Variants in ABCC4 observed in about 807,000 individuals in gnomAD.
The protein encoded by ABCC4 is ATP-binding cassette sub-family C member 4.
ABCC4 carries 102 observed loss-of-function variants against 168.5 expected under a neutral mutation model. The observed-to-expected ratio is 0.61, with a 90% CI of 0.52 to 0.71. The LOEUF is 0.71. Among genes scored for constraint, ABCC4 ranks in the 30% least tolerant of loss-of-function variants. The pLI is 0.00. For missense variants in ABCC4, 1,402 were observed against 1,605.8 expected (o/e 0.87, Z 2.17); for synonymous variants, 617 against 590.7 (o/e 1.04, Z -0.65).
At chr13:95,144,722 G>GA in intron 19 of ABCC4, among the ~76,000 whole-genome samples, 2 of 151,538 alleles carry the variant, frequency 1.3e-5, no homozygotes, top group African/African-American at 4.8e-5. Context: ...AAACATGGCT[G>GA]AAAAAAAATC....
chr13:95,054,766 G>C (rs535023538), intron 26 of ABCC4, among the ~76,000 whole-genome samples: 9 of 152,242 alleles, frequency 5.9e-5, no homozygotes, highest in Non-Finnish European at 1.0e-4. Context: ...CCTGGCTTTG[G>C]GGCAGGACTG....
At chr13:95,171,055 C>T (rs1444093685) in intron 13 of ABCC4, among the ~76,000 whole-genome samples, 1 of 148,270 alleles carries the variant, frequency 6.7e-6, no homozygotes, top group Non-Finnish European at 1.5e-5. Context: ...CAACGCCCCC[C>T]CTCCACCCCC....
rs1209194205 is a variant in ABCC4 at position 95,075,462 on chromosome 13, G to A, written c.2776C>T (p.Leu926=). ...AYKAEERCQE[L]FDAHQDLHSE... Reference sequence around the variant, plus strand: ...TGTAAATCCTGGTGTGCATCAAACAGTTCCTGACACCTCTCTTCTGCTTTG... The same window carrying A: ...TGTAAATCCTGGTGTGCATCAAACAATTCCTGACACCTCTCTTCTGCTTTG... Residue 926 remains leucine, a synonymous_variant, in exon 22 of 31, where the codon CTG becomes TTG. Transcript: ENST00000645237. 1.9e-6 allele frequency: 3 copies of A among 1,614,162 alleles called. No individual in the cohort carries two copies. Among genetic ancestry groups the A allele is most frequent in the East Asian group, 2.2e-5 (1 of 44,878 alleles).
chr13:95,234,240 A>G (rs2138756708), intron 4 of ABCC4, among the ~76,000 whole-genome samples: 1 of 152,382 alleles, frequency 6.6e-6, no homozygotes, highest in Middle Eastern at 3.4e-3. Flanking sequence ...AGATTGAGGC[A>G]AAGAAACACT....
chr13:95,164,535 G>A lies in ABCC4; in HGVS notation c.2035-17C>T, dbSNP rs1468591271. On this transcript the variant is annotated splice_polypyrimidine_tract_variant and intron_variant, in intron 15 of 30. Coordinates refer to ENST00000645237, the MANE Select transcript of ABCC4 (RefSeq NM_005845.5). ...ATTCTCTGTCTGCAGAGGAAAAAAG[G>A]TGGTAAGAGACAAAACAGTATACAA... The A allele has an allele frequency of 6.2e-7, 1 of 1,613,868 alleles. No homozygotes were observed. Among genetic ancestry groups the A allele is most frequent in the Admixed American group, 1.7e-5 (1 of 60,016 alleles).
intron 1 of ABCC4, among the ~76,000 whole-genome samples, chr13:95,273,664 A>C (rs990263867): frequency 2.0e-5 from 3 of 150,308 alleles, no homozygotes; most frequent in Non-Finnish European, 3.0e-5. Context: ...CTGTGTCCCC[A>C]CCCAAATCTC....
chr13:95,268,397 T>C (rs1285857775), intron 1 of ABCC4, among the ~76,000 whole-genome samples: 4 of 152,068 alleles, frequency 2.6e-5, no homozygotes, highest in Non-Finnish European at 5.9e-5. Flanking sequence ...TATGGCCTCG[T>C]GGGAAGGGAA....
intron 3 of ABCC4, among the ~76,000 whole-genome samples, chr13:95,243,262 A>G (rs879770626): frequency 2.0e-5 from 3 of 152,156 alleles, no homozygotes; most frequent in Non-Finnish European, 4.4e-5. Context: ...CTGTCCCCAT[A>G]CTAGTGACTC....
intron 20 of ABCC4, among the ~76,000 whole-genome samples, chr13:95,107,974 C>T (rs2035066743): frequency 6.6e-6 from 1 of 152,022 alleles, no homozygotes; most frequent in African/African-American, 2.4e-5. Flanking sequence ...ATCTAGTGTC[C>T]TCTCTCTCCT....
chr13:95,053,001 C>T lies in ABCC4; in HGVS notation c.3456+94G>A, dbSNP rs138530844. The stretch of plus-strand genomic sequence containing the variant: ...GGGTGGTGAACAAAGTTAGTTAAAC[C>T]GCTAAGCTCCTCTTAATTTCCTGCA... On this transcript the variant is annotated intron_variant, in intron 27 of 30. Coordinates refer to ENST00000645237, the MANE Select transcript of ABCC4 (RefSeq NM_005845.5). The T allele has an allele frequency of 3.1e-4, 346 of 1,109,146 alleles. 1 individual carries two copies. The African/African-American group carries it at 4.0e-3, about 13-fold the overall frequency. The allele number at this position is 1,109,146 out of a possible 1,614,324, so 68.7% of individuals were successfully genotyped here. A position where few individuals can be genotyped will look rare whatever the true frequency, so the allele number is the denominator to read the frequency against.
chr13:95,048,332 A>C (rs1295948390), intron 27 of ABCC4, among the ~76,000 whole-genome samples: 2 of 152,244 alleles, frequency 1.3e-5, no homozygotes, highest in African/African-American at 4.8e-5. Flanking sequence ...CTACAGGAAA[A>C]GTGAAAATAA....
chr13:95,139,895 AT>A (rs1306222714), intron 19 of ABCC4, among the ~76,000 whole-genome samples: 2 of 152,212 alleles, frequency 1.3e-5, no homozygotes, highest in Non-Finnish European at 2.9e-5. Context: ...TTGCCAGAAC[AT>A]CCCTTGGCAC....
intron 30 of ABCC4, among the ~76,000 whole-genome samples, 170 bp downstream of exon 30, chr13:95,034,435 A>T (rs1378279194): frequency 6.6e-6 from 1 of 152,184 alleles, no homozygotes; most frequent in Non-Finnish European, 1.5e-5. Flanking sequence ...CTCTTTGCAG[A>T]CCTTACTTCA....
chr13:95,100,151 A>G (rs943943771), intron 20 of ABCC4, among the ~76,000 whole-genome samples: 1 of 152,220 alleles, frequency 6.6e-6, no homozygotes, highest in Non-Finnish European at 1.5e-5. Flanking sequence ...TGACAAGAAG[A>G]GAAAGCACCA....
chr13:95,074,632 A>T (rs1471477255), intron 22 of ABCC4, among the ~76,000 whole-genome samples: 2 of 152,190 alleles, frequency 1.3e-5, no homozygotes, highest in African/African-American at 4.8e-5. Context: ...TGTGAAGTGC[A>T]TCTCATGTGA....
chr13:95,063,360 CA>C (rs2033375061), intron 25 of ABCC4, among the ~76,000 whole-genome samples: 1 of 152,108 alleles, frequency 6.6e-6, no homozygotes, highest in Non-Finnish European at 1.5e-5. Flanking sequence ...ACAGAGGTGT[CA>C]GAAGTGACAT....
chr13:95,198,093 A>G (rs1056457722), intron 8 of ABCC4, among the ~76,000 whole-genome samples: 1 of 152,198 alleles, frequency 6.6e-6, no homozygotes, highest in African/African-American at 2.4e-5. Context: ...TGGCAACAAA[A>G]GCCAAAATTG....
At chr13:95,255,894 G>C (rs2040380402) in intron 1 of ABCC4, among the ~76,000 whole-genome samples, 1 of 152,032 alleles carries the variant, frequency 6.6e-6, no homozygotes, top group Non-Finnish European at 1.5e-5. Flanking sequence ...TCTCCCACCA[G>C]CTAATCCATG....
intron 8 of ABCC4, among the ~76,000 whole-genome samples, chr13:95,205,103 C>T (rs970023514): frequency 6.6e-6 from 1 of 152,212 alleles, no homozygotes; most frequent in Non-Finnish European, 1.5e-5. Context: ...CATCCCTTCA[C>T]AGTGTTACCT....
Sources: gnomAD v4.1 joint callset for allele counts (sites outside exome capture counted in the v4.1 genomes callset) on GRCh38, gnomAD v4.1.1 for gene constraint, MANE v1.5 for transcripts, NCBI Gene and HGNC (gene_info 2026-07-23, HGNC 2026-07-21) for gene names.